The following CCDC7 variants were observed in gnomAD, a reference collection of about 807,000 sequenced individuals.
CCDC7 encodes the protein coiled-coil domain-containing protein 7.
Under a neutral mutation model 196.9 loss-of-function variants are expected in CCDC7, and 183 were observed. That is an observed-to-expected ratio of 0.93 (90% CI 0.82 to 1.05). The LOEUF (loss-of-function observed/expected upper bound fraction) is 1.05, where lower values mean the gene tolerates loss of function less well. CCDC7 is among the 50% of genes least tolerant of loss of function. The pLI, the probability that CCDC7 is intolerant of heterozygous loss-of-function variation, is 0.00. For missense variants in CCDC7, 1,540 were observed against 1,482.2 expected (o/e 1.04, Z -0.64); for synonymous variants, 525 against 484.6 (o/e 1.08, Z -1.10).
At chr10:32,551,342 A>G (rs1316347471) in intron 13 of CCDC7, among the ~76,000 whole-genome samples, 1 of 152,070 alleles carries the variant, frequency 6.6e-6, no homozygotes, top group African/African-American at 2.4e-5. Flanking sequence ...TATCTTTCAA[A>G]GAACCAGCTT....
chr10:32,669,216 G>A (rs1185669524), intron 21 of CCDC7, among the ~76,000 whole-genome samples: 1 of 151,980 alleles, frequency 6.6e-6, no homozygotes, highest in Non-Finnish European at 1.5e-5. Context: ...GCTTTATGTT[G>A]AACCATCCTT....
At chr10:32,725,347 G>T (rs1755616452) in intron 25 of CCDC7, 1 of 470,660 alleles carries the variant, frequency 2.1e-6, no homozygotes, top group African/African-American at 2.0e-5. Flanking sequence ...TGATTTCTTT[G>T]CAGTCTGCCC....
intron 41 of CCDC7, among the ~76,000 whole-genome samples, chr10:32,861,114 G>GAA (rs2093963726): frequency 6.4e-5 from 1 of 15,714 alleles, no homozygotes; most frequent in Non-Finnish European, 1.5e-4. Context: ...ACAATCATAA[G>GAA]CAAAAAAAAA....
At chr10:32,676,523 G>GA (rs1366636099) in intron 21 of CCDC7, among the ~76,000 whole-genome samples, 14 of 151,568 alleles carry the variant, frequency 9.2e-5, no homozygotes, top group African/African-American at 2.9e-4. Context: ...AAATTTACAA[G>GA]AAAAAAACAA....
chr10:32,558,855 C>T (rs1237340643), intron 13 of CCDC7, among the ~76,000 whole-genome samples: 1 of 152,210 alleles, frequency 6.6e-6, no homozygotes, highest in East Asian at 1.9e-4. Flanking sequence ...TGAGCCGAAG[C>T]AGGGCGAGGC....
At chr10:32,811,698 G>A (rs562123980) in intron 30 of CCDC7, among the ~76,000 whole-genome samples, 10 of 151,964 alleles carry the variant, frequency 6.6e-5, no homozygotes, top group African/African-American at 1.9e-4. Flanking sequence ...TGAAGAGGAC[G>A]GAATTCTCTG....
chr10:32,664,218 C>G (rs779011824), intron 21 of CCDC7, 57 bp downstream of exon 22: 69 of 384,738 alleles, frequency 1.8e-4, no homozygotes, highest in Non-Finnish European at 2.8e-4. Flanking sequence ...TTTTAATTGG[C>G]AAGTAAAAAT....
intron 32 of CCDC7, among the ~76,000 whole-genome samples, chr10:32,833,571 A>T (rs758394713): frequency 3.9e-5 from 6 of 152,184 alleles, no homozygotes; most frequent in Non-Finnish European, 7.4e-5. Flanking sequence ...CAAATGAATT[A>T]GTACTCCTTG....
intron 24 of CCDC7, among the ~76,000 whole-genome samples, chr10:32,699,838 T>C (rs2078359632): frequency 6.7e-6 from 1 of 149,684 alleles, no homozygotes; most frequent in South Asian, 2.1e-4. Context: ...GTCTGTTGAC[T>C]GCATAAATGT....
At chr10:32,718,126 A>C (rs975141993) in intron 25 of CCDC7, among the ~76,000 whole-genome samples, 13 of 152,196 alleles carry the variant, frequency 8.5e-5, no homozygotes, top group Admixed American at 7.9e-4. Context: ...TCGATGCGAA[A>C]ATTTTAAATA....
chr10:32,667,649 T>C (rs565351276), intron 21 of CCDC7, among the ~76,000 whole-genome samples: 2 of 152,292 alleles, frequency 1.3e-5, no homozygotes, highest in South Asian at 2.1e-4. Context: ...TTCTTGTTTT[T>C]CTCAGGTTTG....
chr10:32,788,321 C>CT (rs2082171986), intron 29 of CCDC7, among the ~76,000 whole-genome samples: 1 of 152,212 alleles, frequency 6.6e-6, no homozygotes, highest in Non-Finnish European at 1.5e-5. Flanking sequence ...ATACCAGCCT[C>CT]TGTGACCCTA....
At chr10:32,569,911 T>C (rs1371950729) in intron 15 of CCDC7, among the ~76,000 whole-genome samples, 1 of 152,202 alleles carries the variant, frequency 6.6e-6, no homozygotes, top group Non-Finnish European at 1.5e-5. Context: ...TTGTCTCCTC[T>C]TGCTCTGCTC....
At chr10:32,740,238 C>G (rs1464374569) in intron 28 of CCDC7, among the ~76,000 whole-genome samples, 2 of 152,098 alleles carry the variant, frequency 1.3e-5, no homozygotes, top group African/African-American at 4.8e-5. Context: ...TAGTTATTCT[C>G]TCTGATAAAA....
At position 32,784,759 on chromosome 10, in the gene CCDC7, T is replaced by C. The variant is rs1296442099; in HGVS notation, c.3013+5675T>C. 2.0e-5 allele frequency among the ~76,000 whole-genome samples: 3 copies of C among 152,038 alleles called. No homozygotes were observed. In the East Asian group the frequency reaches 5.8e-4, roughly 29 times the overall value. ...ACTCGTGCCTGTAATCCCAGCACTT[T>C]GGGAGGCTGAGGAGAGTAGATCTCC... On this transcript the variant is annotated intron_variant, in intron 29 of 41. Transcript: ENST00000639629.
At chr10:32,810,451 A>C (rs1400131995) in intron 30 of CCDC7, among the ~76,000 whole-genome samples, 2 of 152,192 alleles carry the variant, frequency 1.3e-5, no homozygotes, top group African/African-American at 4.8e-5. Context: ...TAAAAGGATC[A>C]ATTCAGAAAG....
intron 20 of CCDC7, among the ~76,000 whole-genome samples, chr10:32,637,582 G>A (rs1374310647): frequency 6.6e-6 from 1 of 152,056 alleles, no homozygotes; most frequent in Non-Finnish European, 1.5e-5. Context: ...CTGTTCCATT[G>A]GTCTATAGCT....
At chr10:32,825,104 TCTC>T (rs1402294065) in intron 32 of CCDC7, among the ~76,000 whole-genome samples, 2 of 152,176 alleles carry the variant, frequency 1.3e-5, no homozygotes, top group African/African-American at 2.4e-5. Flanking sequence ...ATGACACACT[TCTC>T]CTTAATTTTT....
chr10:32,749,779 T>C lies in CCDC7; in HGVS notation c.2905+20322T>C, dbSNP rs148580000. Among the ~76,000 whole-genome samples the C allele has an allele frequency of 1.7e-3, 258 of 152,308 alleles. 2 individuals carry two copies. The highest frequency in any genetic ancestry group is 6.0e-3 in the African/African-American group (248 of 41,576). On this transcript the variant is annotated intron_variant, in intron 28 of 41. Coordinates refer to ENST00000639629, the Ensembl canonical transcript of CCDC7. ...TTTTTAAAGTTTACTTTTTAAACAGTGTTTACTACAAAATATGTTACAGGT... is the reference window on the plus strand; with the variant it reads ...TTTTTAAAGTTTACTTTTTAAACAGCGTTTACTACAAAATATGTTACAGGT...
Sources: gnomAD v4.1 joint callset for allele counts (sites outside exome capture counted in the v4.1 genomes callset) on GRCh38, gnomAD v4.1.1 for gene constraint, MANE v1.5 for transcripts, NCBI Gene and HGNC (gene_info 2026-07-23, HGNC 2026-07-21) for gene names.